Variants in CERS6 observed in about 807,000 individuals in gnomAD.
CERS6 encodes ceramide synthase 6.
CERS6 carries 26 observed loss-of-function variants against 56.8 expected under a neutral mutation model. That is an observed-to-expected ratio of 0.46 (90% CI 0.34 to 0.63). The LOEUF is 0.63. Ranked by LOEUF, CERS6 falls within the 30% of genes least tolerant of loss-of-function variation. CERS6 has a pLI of 0.01. For synonymous variants in CERS6, 164 were observed against 173.3 expected (o/e 0.95, Z 0.42); for missense variants, 415 against 467.5 (o/e 0.89, Z 1.04).
intron 4 of CERS6, among the ~76,000 whole-genome samples, chr2:168,669,670 C>G (rs1685858077): frequency 6.6e-6 from 1 of 152,156 alleles, no homozygotes; most frequent in Non-Finnish European, 1.5e-5. Context: ...AAAAGTGATT[C>G]TCATATGACA....
chr2:168,618,361 A>C (rs1047483557), intron 3 of CERS6, among the ~76,000 whole-genome samples: 1 of 152,204 alleles, frequency 6.6e-6, no homozygotes, highest in African/African-American at 2.4e-5. Flanking sequence ...TCTTCAACAT[A>C]GTACTGGAAT....
At chr2:168,472,667 C>T (rs1693998938) in intron 1 of CERS6, among the ~76,000 whole-genome samples, 1 of 152,128 alleles carries the variant, frequency 6.6e-6, no homozygotes, top group African/African-American at 2.4e-5. Flanking sequence ...ATTTTCTTTT[C>T]CACCTTATTT....
At chr2:168,571,534 T>C (rs1160307249) in intron 3 of CERS6, among the ~76,000 whole-genome samples, 1 of 152,102 alleles carries the variant, frequency 6.6e-6, no homozygotes, top group African/African-American at 2.4e-5. Context: ...TTTGAGCAGA[T>C]TCCAATTGAC....
chr2:168,475,194 T>C (rs578204118), intron 1 of CERS6, among the ~76,000 whole-genome samples: 1 of 152,240 alleles, frequency 6.6e-6, no homozygotes, highest in East Asian at 1.9e-4. Context: ...TTTTGACTTT[T>C]ATGAAAATGT....
intron 4 of CERS6, among the ~76,000 whole-genome samples, chr2:168,642,825 G>A (rs7591406): frequency 0.31 from 47,293 of 152,070 alleles, 8,997 homozygotes; most frequent in African/African-American, 0.52. Flanking sequence ...GACACTTAGT[G>A]AAAACAGCAT....
chr2:168,702,617 C>T (rs903510639), intron 6 of CERS6, among the ~76,000 whole-genome samples: 1 of 152,004 alleles, frequency 6.6e-6, no homozygotes, highest in African/African-American at 2.4e-5. Context: ...CACTACTCAG[C>T]GAACCAATAT....
intron 3 of CERS6, among the ~76,000 whole-genome samples, chr2:168,617,458 A>G (rs1372868348): frequency 6.6e-6 from 1 of 152,216 alleles, no homozygotes; most frequent in Non-Finnish European, 1.5e-5. Flanking sequence ...TTATTTGGAA[A>G]GATAAAGAAA....
chr2:168,481,895 T>G (rs1187263998), intron 1 of CERS6, among the ~76,000 whole-genome samples: 1 of 152,238 alleles, frequency 6.6e-6, no homozygotes, highest in African/African-American at 2.4e-5. Flanking sequence ...TAGTTTTGGT[T>G]TAGAAGTTAT....
chr2:168,607,738 TAAAG>T (rs1684087490), intron 3 of CERS6, among the ~76,000 whole-genome samples: 1 of 152,050 alleles, frequency 6.6e-6, no homozygotes, highest in Non-Finnish European at 1.5e-5. Flanking sequence ...CAGGGGTTAA[TAAAG>T]AAAGTATAAA....
At chr2:168,584,812 G>C (rs1045552673) in intron 3 of CERS6, among the ~76,000 whole-genome samples, 1 of 152,170 alleles carries the variant, frequency 6.6e-6, no homozygotes, top group Non-Finnish European at 1.5e-5. Flanking sequence ...GAAATTGTGG[G>C]GTTTTTTGTT....
At chr2:168,725,336 A>G (rs1368402885) in intron 8 of CERS6, among the ~76,000 whole-genome samples, 2 of 152,224 alleles carry the variant, frequency 1.3e-5, no homozygotes, top group Non-Finnish European at 2.9e-5. Context: ...CAGCCCAGAA[A>G]GGGGCTCCCA....
intron 3 of CERS6, among the ~76,000 whole-genome samples, chr2:168,564,651 C>A (rs533355173): frequency 6.6e-6 from 1 of 152,138 alleles, no homozygotes; most frequent in South Asian, 2.1e-4. Flanking sequence ...TTCTTCCTTC[C>A]TGCCTTGTGT....
At chr2:168,500,540 G>T (rs1280404121) in intron 1 of CERS6, among the ~76,000 whole-genome samples, 1 of 152,206 alleles carries the variant, frequency 6.6e-6, no homozygotes, top group Non-Finnish European at 1.5e-5. Context: ...CTTTGGGACA[G>T]TTTAACCAGA....
chr2:168,535,730 G>A (rs1695251537), intron 1 of CERS6, among the ~76,000 whole-genome samples: 1 of 105,450 alleles, frequency 9.5e-6, no homozygotes, highest in Admixed American at 1.1e-4. Flanking sequence ...TTGGTCATTT[G>A]TTACTTATTT....
chr2:168,697,458 G>A (rs1321167628), intron 6 of CERS6, among the ~76,000 whole-genome samples: 1 of 152,094 alleles, frequency 6.6e-6, no homozygotes, highest in African/African-American at 2.4e-5. Context: ...GGTACTGTGC[G>A]AGGCTCATGT....
intron 3 of CERS6, among the ~76,000 whole-genome samples, chr2:168,573,206 T>C (rs901462113): frequency 6.6e-6 from 1 of 152,146 alleles, no homozygotes; most frequent in African/African-American, 2.4e-5. Context: ...AAAAAAAGGA[T>C]AAAATCACTG....
intron 1 of CERS6, among the ~76,000 whole-genome samples, chr2:168,465,847 GGTAA>G (rs1380903695): frequency 1.3e-5 from 2 of 151,946 alleles, no homozygotes; most frequent in Non-Finnish European, 2.9e-5. Context: ...TGGTTATGAT[GGTAA>G]GTGTTATGCT....
At chr2:168,590,343 T>C (rs1683643386) in intron 3 of CERS6, among the ~76,000 whole-genome samples, 1 of 152,232 alleles carries the variant, frequency 6.6e-6, no homozygotes, top group Non-Finnish European at 1.5e-5. Context: ...ATATAAACGA[T>C]GTTATCAGAG....
intron 1 of CERS6, among the ~76,000 whole-genome samples, chr2:168,518,937 T>C (rs909332100): frequency 6.6e-6 from 1 of 152,024 alleles, no homozygotes; most frequent in Non-Finnish European, 1.5e-5. Flanking sequence ...CTCCTTAGCA[T>C]TTTGCACAGT....
Sources: gnomAD v4.1 joint callset for allele counts (sites outside exome capture counted in the v4.1 genomes callset) on GRCh38, gnomAD v4.1.1 for gene constraint, MANE v1.5 for transcripts, NCBI Gene and HGNC (gene_info 2026-07-23, HGNC 2026-07-21) for gene names.